The following JAK2 variants were observed in gnomAD, a reference collection of about 807,000 sequenced individuals.
JAK2 encodes the protein tyrosine-protein kinase JAK2.
Under a neutral mutation model 139.3 loss-of-function variants are expected in JAK2, and 86 were observed. The observed-to-expected ratio is 0.62, with a 90% CI of 0.52 to 0.74. JAK2 has a LOEUF of 0.74. JAK2 is among the 30% of genes least tolerant of loss of function. JAK2 has a pLI of 0.00. For synonymous variants in JAK2, 490 were observed against 437.7 expected (o/e 1.12, Z -1.49); for missense variants, 1,421 against 1,360.3 (o/e 1.04, Z -0.70).
At chr9:5,118,316 CATAAT>C (rs1564023147) in intron 22 of JAK2, among the ~76,000 whole-genome samples, 1 of 152,130 alleles carries the variant, frequency 6.6e-6, no homozygotes, top group African/African-American at 2.4e-5. Context: ...CCAAATTTTG[CATAAT>C]ATGTTACACT....
Position 5,046,885 on chromosome 9 carries a change from C to G in JAK2, c.468+2365C>G, listed in dbSNP as rs899116203. 8.6e-4 allele frequency among the ~76,000 whole-genome samples: 131 copies of G among 152,196 alleles called. 1 individual carries two copies. Among genetic ancestry groups the G allele is most frequent in the African/African-American group, 3.1e-3 (128 of 41,542 alleles). On this transcript the variant is annotated intron_variant, in intron 5 of 24. Coordinates refer to ENST00000381652, the MANE Select transcript of JAK2 (RefSeq NM_004972.4). ...AGAGCTAGTATATTTTGGGGGTAGG[C>G]TAGTTAAGTCCCATTTATAAGCCAA...
intron 5 of JAK2, among the ~76,000 whole-genome samples, chr9:5,044,765 G>A (rs889643869): frequency 1.3e-5 from 2 of 152,082 alleles, no homozygotes; most frequent in Non-Finnish European, 1.5e-5. Flanking sequence ...TCTTTTTTAG[G>A]ACTTTAGATC....
intron 2 of JAK2, among the ~76,000 whole-genome samples, chr9:4,997,922 T>G (rs1820676668): frequency 6.6e-6 from 1 of 152,210 alleles, no homozygotes; most frequent in Non-Finnish European, 1.5e-5. Flanking sequence ...TGCTTAATTT[T>G]TTTTTAATCT....
At chr9:5,079,873 A>G (rs1201840572) in intron 16 of JAK2, among the ~76,000 whole-genome samples, 3 of 152,150 alleles carry the variant, frequency 2.0e-5, no homozygotes, top group Admixed American at 1.3e-4. Context: ...GGTTGAGAAA[A>G]TGGTATGCCA....
Position 5,033,112 on chromosome 9 carries a change from T to C in JAK2, c.350+3206T>C, listed in dbSNP as rs10974923. On this transcript the variant is annotated intron_variant, in intron 4 of 24. Transcript: ENST00000381652. ...TACGTGATGAATGCACAAGCCTCAG[T>C]AGCCGATTCAATCAATAGGAAGAAA... is the stretch of plus-strand genomic sequence containing the variant. Among the ~76,000 whole-genome samples, 297 of 152,238 alleles carry C rather than the reference T, an allele frequency of 2.0e-3. 1 individual carries two copies. The highest frequency in any genetic ancestry group is 6.8e-3 in the African/African-American group (283 of 41,518).
rs754174468 is a variant in JAK2 at position 5,090,591 on chromosome 9, T to C, written c.2886+21T>C. On this transcript the variant is annotated intron_variant, in intron 21 of 24. Transcript: ENST00000381652. ...GCAAGGTAACTAATATCCTGATTATTTGCTGTAGATGAAGCAACCGTGTTG... is the reference window on the plus strand; with the variant it reads ...GCAAGGTAACTAATATCCTGATTATCTGCTGTAGATGAAGCAACCGTGTTG... 5 of 1,551,866 alleles carry C rather than the reference T, an allele frequency of 3.2e-6. No homozygotes were observed. In the African/African-American group the frequency reaches 5.5e-5, roughly 17 times the overall value.
intron 22 of JAK2, among the ~76,000 whole-genome samples, chr9:5,121,201 TTGAG>T (rs1213053873): frequency 6.6e-6 from 1 of 152,100 alleles, no homozygotes; most frequent in Non-Finnish European, 1.5e-5. Flanking sequence ...AATTTTATGA[TTGAG>T]TAAGCATTAG....
At chr9:5,098,299 C>G (rs1287933846) in intron 22 of JAK2, 1 of 152,140 alleles carries the variant, frequency 6.6e-6, no homozygotes, top group Non-Finnish European at 1.5e-5. Flanking sequence ...CATTACGTAA[C>G]TTTGTCAAAG....
intron 22 of JAK2, among the ~76,000 whole-genome samples, chr9:5,102,190 C>G (rs2094392): frequency 0.3 from 45,768 of 151,942 alleles, 7,472 homozygotes; most frequent in African/African-American, 0.44. Flanking sequence ...GTAGAGAAGA[C>G]CTTAAATGAC....
intron 22 of JAK2, among the ~76,000 whole-genome samples, chr9:5,093,463 T>C (rs565071832): frequency 4.6e-4 from 70 of 152,274 alleles, no homozygotes; most frequent in Non-Finnish European, 9.0e-4. Context: ...AGCTGTCTCT[T>C]ACGTTTAATC....
intron 22 of JAK2, chr9:5,099,594 C>G (rs987228969): frequency 2.0e-5 from 3 of 152,142 alleles, no homozygotes; most frequent in African/African-American, 7.2e-5. Context: ...TTTTGCTACC[C>G]CTACAATTCT....
chr9:5,015,600 G>A (rs997232000), intron 2 of JAK2, among the ~76,000 whole-genome samples: 14 of 151,122 alleles, frequency 9.3e-5, no homozygotes, highest in African/African-American at 3.4e-4. Flanking sequence ...AGTGGCATGA[G>A]CACAATCACT....
intron 22 of JAK2, among the ~76,000 whole-genome samples, chr9:5,119,401 T>G (rs1470284129): frequency 6.6e-6 from 1 of 152,126 alleles, no homozygotes; most frequent in Non-Finnish European, 1.5e-5. Flanking sequence ...TCATGTATAA[T>G]TTTGTATTCT....
intron 19 of JAK2, among the ~76,000 whole-genome samples, chr9:5,086,291 G>A (rs1820107591): frequency 1.3e-5 from 2 of 152,268 alleles, no homozygotes; most frequent in East Asian, 1.9e-4. Context: ...CCAGGACCTG[G>A]AGCCTGAAAC....
chr9:5,009,422 C>T (rs1346498125), intron 2 of JAK2, among the ~76,000 whole-genome samples: 2 of 151,740 alleles, frequency 1.3e-5, no homozygotes, highest in East Asian at 3.9e-4. Flanking sequence ...AGGCTGTCTT[C>T]ATTACTAGTC....
intron 2 of JAK2, among the ~76,000 whole-genome samples, chr9:4,989,357 G>A (rs1037444236): frequency 6.6e-6 from 1 of 151,600 alleles, no homozygotes; most frequent in Admixed American, 6.6e-5. Context: ...TTAATTATAT[G>A]CCATGCTTTA....
rs753876369 is a variant in JAK2, at chr9:5,054,856, A to G, written c.908A>G (p.His303Arg). ...NGGIQWSRGK[H>R]KESETLTEQD... ...GGAATTCAGTGGTCAAGAGGGAAACATAAAGAAAGTGAGACACTGACAGAA... is the reference window on the plus strand; with the variant it reads ...GGAATTCAGTGGTCAAGAGGGAAACGTAAAGAAAGTGAGACACTGACAGAA... The change falls in exon 7 of 25, where the codon CAT (histidine) becomes CGT (arginine). Residue 303 changes from histidine (H) to arginine (R), a missense_variant. His to Arg is a conservative substitution (Grantham distance 29, BLOSUM62 0). Coordinates refer to ENST00000381652, the MANE Select transcript of JAK2 (RefSeq NM_004972.4). This position sits in a 1 kb window ranked among gnomAD's most constrained non-coding sequence, Gnocchi z 4.9. 1 of 1,607,608 alleles carries G rather than the reference A, an allele frequency of 6.2e-7. No individual in the cohort carries two copies. The highest frequency in any genetic ancestry group is 8.5e-7 in the Non-Finnish European group (1 of 1,177,434).
chr9:5,067,686 G>A (rs1421700156), intron 10 of JAK2, among the ~76,000 whole-genome samples: 1 of 151,910 alleles, frequency 6.6e-6, no homozygotes, highest in African/African-American at 2.4e-5. Flanking sequence ...TTCACTGTAT[G>A]TGCCAAGCCT....
chr9:5,005,462 T>G (rs1405189936), intron 2 of JAK2, among the ~76,000 whole-genome samples: 1 of 152,192 alleles, frequency 6.6e-6, no homozygotes, highest in East Asian at 1.9e-4. Flanking sequence ...TTTTTAAATC[T>G]GGTATAATGA....
Sources: allele counts gnomAD v4.1 joint callset (sites outside exome capture counted in the v4.1 genomes callset), GRCh38; gene constraint gnomAD v4.1.1; non-coding constraint Gnocchi (gnomAD v3.1); transcripts MANE v1.5; gene names NCBI Gene and HGNC (gene_info 2026-07-23, HGNC 2026-07-21).